LINGO2: variants seen among roughly 807,000 people sequenced by gnomAD.
LINGO2 encodes the protein leucine rich repeat and Ig domain containing 2, also known as leucine-rich repeat and immunoglobulin-like domain-containing nogo receptor-interacting protein 2.
Under a neutral mutation model 30.6 loss-of-function variants are expected in LINGO2, and 14 were observed. The observed-to-expected ratio is 0.46, with a 90% CI of 0.30 to 0.72. The LOEUF is 0.72. Among genes scored for constraint, LINGO2 ranks in the 30% least tolerant of loss-of-function variants. LINGO2 has a pLI of 0.07. For missense variants in LINGO2, 729 were observed against 751.7 expected, an observed-to-expected ratio of 0.97 and a Z score of 0.35; for synonymous variants, 317 against 288.5, an observed-to-expected ratio of 1.10 and a Z score of -1.00.
the LINGO2 span, among the ~76,000 whole-genome samples, chr9:29,008,842 G>A: frequency 4.8e-3 from 724 of 152,178 alleles, 10 homozygotes; most frequent in African/African-American, 0.016. Flanking sequence ...CCATGATCAA[G>A]TTGGCTTCAT....
chr9:28,545,234 A>G (rs1821879389), intron 1 of LINGO2, among the ~76,000 whole-genome samples: 1 of 152,044 alleles, frequency 6.6e-6, no homozygotes, highest in African/African-American at 2.4e-5. Context: ...GTAGTGATTC[A>G]TTTATGTTAG....
chr9:28,773,452 T>A, the LINGO2 span, among the ~76,000 whole-genome samples: 27 of 152,048 alleles, frequency 1.8e-4, no homozygotes, highest in African/African-American at 6.3e-4. Flanking sequence ...CTGTGTACTA[T>A]TTATATAAGG....
the LINGO2 span, among the ~76,000 whole-genome samples, chr9:29,136,775 GTTCAGT>G: frequency 1.3e-5 from 2 of 152,118 alleles, no homozygotes; most frequent in East Asian, 3.9e-4. Flanking sequence ...TTCAAATGTT[GTTCAGT>G]TTCAAATTCT....
the LINGO2 span, among the ~76,000 whole-genome samples, chr9:28,719,278 T>G: frequency 6.6e-6 from 1 of 152,038 alleles, no homozygotes; most frequent in Non-Finnish European, 1.5e-5. Flanking sequence ...ACGAACATGT[T>G]GAACACTCCC....
chr9:29,079,261 C>G, the LINGO2 span, among the ~76,000 whole-genome samples: 1 of 151,792 alleles, frequency 6.6e-6, no homozygotes, highest in South Asian at 2.1e-4. Context: ...AAAATGAAAC[C>G]AAGGACAAAT....
In LINGO2 at chr9:28,329,026, C is replaced by A. The variant is rs80120841; in HGVS notation, c.-245-33660G>T. On this transcript the variant is annotated intron_variant, in intron 3 of 5. Coordinates refer to ENST00000379992, the Ensembl canonical transcript of LINGO2. The surrounding 1 kb of genome is among the most constrained non-coding windows in gnomAD (Gnocchi z 4.5). Reference sequence around the variant, plus strand: ...TCACAGAGACTTCTCAGGTTCTCACCCCATCCGTATACGAGCTAGGCCTTA... The same window carrying A: ...TCACAGAGACTTCTCAGGTTCTCACACCATCCGTATACGAGCTAGGCCTTA... Among the ~76,000 whole-genome samples the A allele has an allele frequency of 0.059, 8,996 of 152,052 alleles. 335 individuals carry two copies. Among genetic ancestry groups the A allele is most frequent in the South Asian group, 0.092 (443 of 4,808 alleles).
chr9:28,900,508 T>C, the LINGO2 span, among the ~76,000 whole-genome samples: 6 of 152,248 alleles, frequency 3.9e-5, no homozygotes, highest in Non-Finnish European at 7.4e-5. Flanking sequence ...TCAAAACTTC[T>C]GGCACAGTTT....
At chr9:28,086,401 A>G (rs1348156190) in intron 4 of LINGO2, among the ~76,000 whole-genome samples, 1 of 152,126 alleles carries the variant, frequency 6.6e-6, no homozygotes, top group Non-Finnish European at 1.5e-5. Flanking sequence ...TCTTTACAAG[A>G]TAAGTAGCCA....
chr9:29,170,392 AACAATGGGTAC>A, the LINGO2 span, among the ~76,000 whole-genome samples: 1 of 152,188 alleles, frequency 6.6e-6, no homozygotes, highest in Non-Finnish European at 1.5e-5. Flanking sequence ...GAGGGTGCTA[AACAATGGGTAC>A]ACATGACATA....
intron 3 of LINGO2, among the ~76,000 whole-genome samples, chr9:28,307,528 G>T (rs2134237414): frequency 6.6e-6 from 1 of 152,294 alleles, no homozygotes; most frequent in Middle Eastern, 3.4e-3. Flanking sequence ...ACAAGACAGG[G>T]ATGCCCTCTC....
the LINGO2 span, among the ~76,000 whole-genome samples, chr9:29,014,820 G>A: frequency 6.6e-6 from 1 of 152,104 alleles, no homozygotes; most frequent in Non-Finnish European, 1.5e-5. Flanking sequence ...TAGTATGAAT[G>A]TAAAAAATGT....
chr9:28,354,755 G>T (rs1053748407), intron 3 of LINGO2, among the ~76,000 whole-genome samples: 2 of 152,050 alleles, frequency 1.3e-5, no homozygotes, highest in Non-Finnish European at 2.9e-5. Context: ...TTGTTCTACT[G>T]TATATAAGTT....
At chr9:28,296,357 A>G (rs919931421) in intron 3 of LINGO2, among the ~76,000 whole-genome samples, 3 of 152,194 alleles carry the variant, frequency 2.0e-5, no homozygotes, top group Non-Finnish European at 4.4e-5. Context: ...AGTAATACAT[A>G]TACAGAAGCA....
the LINGO2 span, among the ~76,000 whole-genome samples, chr9:29,104,045 T>C: frequency 6.6e-6 from 1 of 152,086 alleles, no homozygotes; most frequent in Admixed American, 6.6e-5. Flanking sequence ...ACCCAACACA[T>C]AGTCAGTGCT....
At chr9:28,355,599 C>T (rs1037332663) in intron 3 of LINGO2, among the ~76,000 whole-genome samples, 14 of 151,980 alleles carry the variant, frequency 9.2e-5, no homozygotes, top group African/African-American at 3.1e-4. Flanking sequence ...ATATATGGAT[C>T]CTTTCTCACT....
the LINGO2 span, among the ~76,000 whole-genome samples, chr9:28,866,028 G>C: frequency 6.6e-6 from 1 of 152,168 alleles, no homozygotes; most frequent in Non-Finnish European, 1.5e-5. Context: ...GCTTTGCTTG[G>C]TTTGTGAATC....
the LINGO2 span, among the ~76,000 whole-genome samples, chr9:28,745,266 G>T: frequency 6.6e-6 from 1 of 152,066 alleles, no homozygotes; most frequent in Non-Finnish European, 1.5e-5. Flanking sequence ...GACAGAGGTT[G>T]TATTTAAGCT....
chr9:28,469,063 T>C (rs777873375), intron 2 of LINGO2, among the ~76,000 whole-genome samples: 6 of 151,572 alleles, frequency 4.0e-5, no homozygotes, highest in African/African-American at 1.2e-4. Flanking sequence ...TTCAAGGAAG[T>C]AGAGAAACAA....
chr9:29,129,457 A>T, the LINGO2 span, among the ~76,000 whole-genome samples: 3 of 152,100 alleles, frequency 2.0e-5, no homozygotes, highest in Non-Finnish European at 4.4e-5. Flanking sequence ...AGAAAGCGTT[A>T]TGATATGGGG....
Sources: gnomAD v4.1 joint callset for allele counts (sites outside exome capture counted in the v4.1 genomes callset) on GRCh38, gnomAD v4.1.1 for gene constraint, Gnocchi (gnomAD v3.1) non-coding constraint, MANE v1.5 for transcripts, NCBI Gene and HGNC (gene_info 2026-07-23, HGNC 2026-07-21) for gene names.